Variants in NLRC4 observed in about 807,000 individuals in gnomAD.
The protein encoded by NLRC4 is NLR family CARD domain-containing protein 4.
In NLRC4, 63 loss-of-function variants were observed where a neutral mutation model predicts 79.9. That is an observed-to-expected ratio of 0.79 (90% CI 0.64 to 0.97). The LOEUF (loss-of-function observed/expected upper bound fraction) is 0.97, where lower values mean the gene tolerates loss of function less well. Ranked by LOEUF, NLRC4 falls within the 50% of genes least tolerant of loss-of-function variation. The pLI, the probability that NLRC4 is intolerant of heterozygous loss-of-function variation, is 0.00. For synonymous variants in NLRC4, 461 were observed against 456.5 expected (o/e 1.01, Z -0.12); for missense variants, 1,074 against 1,215.2 (o/e 0.88, Z 1.73).
intron 2 of NLRC4, among the ~76,000 whole-genome samples, chr2:32,253,268 G>A (rs567879266): frequency 3.9e-4 from 59 of 151,482 alleles, no homozygotes; most frequent in African/African-American, 1.2e-3. Flanking sequence ...TCCTGCCTCC[G>A]CCTCCTGAGT....
At chr2:32,259,262 A>ATTTTTTTTTTTTT (rs57570626) in intron 1 of NLRC4, among the ~76,000 whole-genome samples, 5 of 52,898 alleles carry the variant, frequency 9.5e-5, no homozygotes, top group African/African-American at 1.9e-4. Flanking sequence ...TGCCTGGCTA[A>ATTTTTTTTTTTTT]TTTTTTTTTT....
At chr2:32,243,890 T>A (rs1462097166) in intron 4 of NLRC4, among the ~76,000 whole-genome samples, 2 of 152,072 alleles carry the variant, frequency 1.3e-5, no homozygotes, top group African/African-American at 4.8e-5. Context: ...TCCATATAAT[T>A]CATTATATTG....
chr2:32,241,637 C>G (rs146354409), intron 4 of NLRC4, among the ~76,000 whole-genome samples: 2 of 152,034 alleles, frequency 1.3e-5, no homozygotes, highest in African/African-American at 4.8e-5. Context: ...CTCGGCCTCC[C>G]GAAGTGCTGG....
chr2:32,233,842 CTCTG>C (rs1450283076), intron 8 of NLRC4, among the ~76,000 whole-genome samples: 2 of 152,094 alleles, frequency 1.3e-5, no homozygotes, highest in Non-Finnish European at 2.9e-5. Context: ...TTTGTTGATT[CTCTG>C]TCTGGGAGAT....
chr2:32,248,781 T>C (rs201278606), intron 4 of NLRC4, among the ~76,000 whole-genome samples: 2 of 151,806 alleles, frequency 1.3e-5, no homozygotes, highest in Middle Eastern at 3.4e-3. Flanking sequence ...AAAAAAAAAA[T>C]TTAAAAAGAA....
At chr2:32,248,315 GT>G (rs1686985988) in intron 4 of NLRC4, among the ~76,000 whole-genome samples, 1 of 152,054 alleles carries the variant, frequency 6.6e-6, no homozygotes, top group Non-Finnish European at 1.5e-5. Context: ...CTTAAACTCA[GT>G]TCCTGGCCAT....
intron 4 of NLRC4, 28 bp downstream of exon 4, chr2:32,249,579 A>G: frequency 6.7e-7 from 1 of 1,500,008 alleles, no homozygotes; most frequent in Non-Finnish European, 9.0e-7. Context: ...TAAGTGAACA[A>G]AGCACAAACC....
intron 8 of NLRC4, among the ~76,000 whole-genome samples, chr2:32,234,949 G>A (rs955523378): frequency 1.3e-5 from 2 of 152,350 alleles, no homozygotes; most frequent in Admixed American, 6.5e-5. Flanking sequence ...GAGGTTGGTG[G>A]TGTCTTCAGT....
chr2:32,241,978 A>G (rs1686815185), intron 4 of NLRC4, among the ~76,000 whole-genome samples: 1 of 152,156 alleles, frequency 6.6e-6, no homozygotes, highest in South Asian at 2.1e-4. Context: ...AGAGCAAAAT[A>G]AATGAAAGAA....
chr2:32,238,032 A>T, intron 6 of NLRC4, 100 bp downstream of exon 6: 3 of 843,610 alleles, frequency 3.6e-6, no homozygotes, highest in Non-Finnish European at 3.5e-6. Flanking sequence ...AGTTTTCCTT[A>T]AAATTAAATT....
chr2:32,246,274 C>T (rs1241077619), intron 4 of NLRC4, among the ~76,000 whole-genome samples: 1 of 152,154 alleles, frequency 6.6e-6, no homozygotes, highest in Non-Finnish European at 1.5e-5. Flanking sequence ...AAATTCAGCA[C>T]ATAGGTGATC....
chr2:32,243,795 CAA>C (rs796675444), intron 4 of NLRC4, among the ~76,000 whole-genome samples: 13 of 67,342 alleles, frequency 1.9e-4, no homozygotes, highest in Admixed American at 3.5e-4. Context: ...GATTCCATCT[CAA>C]AAAAAAAAAA....
At chr2:32,255,535 A>AT in intron 2 of NLRC4, among the ~76,000 whole-genome samples, 1 of 148,310 alleles carries the variant, frequency 6.7e-6, no homozygotes, top group South Asian at 2.1e-4. Context: ...AAAAAAAAAA[A>AT]AAATAAGAAA....
chr2:32,262,215 A>G (rs1343456495), intron 1 of NLRC4, among the ~76,000 whole-genome samples: 1 of 152,196 alleles, frequency 6.6e-6, no homozygotes, highest in Admixed American at 6.5e-5. Context: ...TCCTCAATCA[A>G]GGGGTAATGA....
chr2:32,261,315 C>CTTTTTTTTTTTTTTTTTTTTTT (rs1558464069), intron 1 of NLRC4, among the ~76,000 whole-genome samples: 9 of 81,506 alleles, frequency 1.1e-4, no homozygotes, highest in African/African-American at 4.3e-4. Flanking sequence ...AAGCCTCCCC[C>CTTTTTTTTTTTTTTTTTTTTTT]CTTTTGTTTT....
At chr2:32,248,766 GAAAA>G (rs754917669) in intron 4 of NLRC4, among the ~76,000 whole-genome samples, 12 of 137,500 alleles carry the variant, frequency 8.7e-5, no homozygotes, top group African/African-American at 3.2e-4. Flanking sequence ...ACCCAACCTC[GAAAA>G]AAAAAAAAAA....
intron 8 of NLRC4, among the ~76,000 whole-genome samples, chr2:32,233,219 AAGGGAGGG>A (rs1686589093): frequency 1.0e-5 from 1 of 96,556 alleles, no homozygotes; most frequent in Admixed American, 1.3e-4. Flanking sequence ...AGGAAGAAGG[AAGGGAGGG>A]AGGGAAGGAG....
chr2:32,255,841 C>T (rs1379195135), intron 2 of NLRC4, among the ~76,000 whole-genome samples: 9 of 151,722 alleles, frequency 5.9e-5, no homozygotes, highest in African/African-American at 1.7e-4. Flanking sequence ...GGTGAAACCT[C>T]GTCTCTACTA....
intron 4 of NLRC4, among the ~76,000 whole-genome samples, chr2:32,244,887 AAGGAGG>A (rs889233369): frequency 2.6e-5 from 4 of 151,030 alleles, no homozygotes; most frequent in Non-Finnish European, 5.9e-5. Context: ...GGAGAGGAAG[AAGGAGG>A]AGGAGGAGGA....
Sources: gnomAD v4.1 joint callset for allele counts (sites outside exome capture counted in the v4.1 genomes callset) on GRCh38, gnomAD v4.1.1 for gene constraint, MANE v1.5 for transcripts, NCBI Gene and HGNC (gene_info 2026-07-23, HGNC 2026-07-21) for gene names.